Variants in MRTFB observed in about 807,000 individuals in gnomAD.
The protein encoded by MRTFB is myocardin related transcription factor B, also known as myocardin-related transcription factor B.
A neutral mutation model predicts 104.2 loss-of-function variants in MRTFB; 29 were observed. The ratio of observed to expected loss-of-function variants is 0.28; its 90% CI spans 0.21 to 0.38. The LOEUF is 0.38. MRTFB is among the 10% of genes least tolerant of loss of function. The probability of loss-of-function intolerance (pLI) is 1.00; values close to 1 mark genes in which losing one functional copy is unlikely to be tolerated. For missense variants in MRTFB, 1,270 were observed against 1,341.6 expected, an observed-to-expected ratio of 0.95 and a Z score of 0.83; for synonymous variants, 535 against 519.5, an observed-to-expected ratio of 1.03 and a Z score of -0.41.
intron 8 of MRTFB, among the ~76,000 whole-genome samples, chr16:14,231,803 G>A (rs981213218): frequency 2.0e-5 from 3 of 152,172 alleles, no homozygotes; most frequent in African/African-American, 7.2e-5. Flanking sequence ...TCTAAGTGGG[G>A]TTTGGTACGG....
chr16:14,234,140 C>T lies in MRTFB; in HGVS notation c.694-6C>T, dbSNP rs867701270. The T allele has an allele frequency of 2.5e-5, 40 of 1,604,716 alleles. No individual in the cohort carries two copies. The highest frequency in any genetic ancestry group is 3.2e-5 in the Non-Finnish European group (38 of 1,176,542). On this transcript the variant is annotated splice_region_variant and splice_polypyrimidine_tract_variant and intron_variant, in intron 8 of 16. Coordinates refer to ENST00000571589, the MANE Select transcript of MRTFB (RefSeq NM_001308142.2). ...CAGACTTGTTCCTTTTTGCCTTTTC[C>T]ACCAGTTTGCTTCAGTGTCCCCAAC... is the stretch of plus-strand genomic sequence containing the variant.
At chr16:14,068,114 G>A (rs569023772), upstream of MRTFB, among the ~76,000 whole-genome samples, 4 of 152,176 alleles carry the variant, frequency 2.6e-5, no homozygotes, top group African/African-American at 7.2e-5. Flanking sequence ...TTACAGGCAT[G>A]AGCCACCACA....
chr16:14,232,616 G>C (rs1208515909), intron 8 of MRTFB, among the ~76,000 whole-genome samples: 8 of 152,162 alleles, frequency 5.3e-5, no homozygotes, highest in African/African-American at 1.4e-4. Flanking sequence ...GCTGAAATCA[G>C]CAGCTGAAAC....
the MRTFB span, among the ~76,000 whole-genome samples, chr16:14,016,563 G>A: frequency 1.3e-5 from 2 of 151,864 alleles, no homozygotes; most frequent in Non-Finnish European, 2.9e-5. Context: ...ACCTGAGGTC[G>A]GGAGTTCGAG....
At chr16:14,092,622 G>C (rs1468783807) in intron 2 of MRTFB, 1 of 150,820 alleles carries the variant, frequency 6.6e-6, no homozygotes, top group African/African-American at 2.4e-5. Context: ...ATTATGATTA[G>C]ACTTGTGATA....
At chr16:14,248,814 C>T in intron 12 of MRTFB, 112 bp from the exon 13 acceptor site, 11 of 1,144,488 alleles carry the variant, frequency 9.6e-6, no homozygotes, top group Non-Finnish European at 1.4e-5. Context: ...TAACCTTGGT[C>T]TTATTTCATT....
chr16:14,133,887 C>G (rs75846186), intron 2 of MRTFB, among the ~76,000 whole-genome samples: 3,356 of 152,248 alleles, frequency 0.022, 108 homozygotes, highest in African/African-American at 0.077. Flanking sequence ...CACAGTTGTT[C>G]AAACTGAAAA....
At chr16:14,001,730 A>C in the MRTFB span, among the ~76,000 whole-genome samples, 1 of 152,066 alleles carries the variant, frequency 6.6e-6, no homozygotes, top group South Asian at 2.1e-4. Flanking sequence ...TCCGACAACA[A>C]CTCTCATCCA....
intron 10 of MRTFB, among the ~76,000 whole-genome samples, chr16:14,242,508 A>T (rs144923645): frequency 1.2e-4 from 19 of 152,338 alleles, no homozygotes; most frequent in African/African-American, 4.3e-4. Flanking sequence ...TATATTTATC[A>T]AAATTCCATT....
chr16:14,090,440 G>A (rs1362961540), intron 2 of MRTFB, among the ~76,000 whole-genome samples: 6 of 152,178 alleles, frequency 3.9e-5, no homozygotes, highest in Admixed American at 1.3e-4. Flanking sequence ...CATCCCATGA[G>A]CATTTATGTG....
chr16:14,000,299 G>C, the MRTFB span, among the ~76,000 whole-genome samples: 1 of 152,344 alleles, frequency 6.6e-6, no homozygotes, highest in East Asian at 1.9e-4. Context: ...GGGGGAGGAG[G>C]ACGCATAGGT....
In MRTFB at chr16:14,127,867, A is replaced by G. The variant is rs1219039340; in HGVS notation, c.-63-12677A>G. 3.0e-5 allele frequency among the ~76,000 whole-genome samples: 4 copies of G among 132,840 alleles called. 1 individual carries two copies. Among genetic ancestry groups the G allele is most frequent in the African/African-American group, 1.1e-4 (4 of 37,856 alleles). 87.1% of individuals were successfully genotyped at this position (132,840 alleles called of 152,430 possible). A position where few individuals can be genotyped will look rare whatever the true frequency, so the allele number is the denominator to read the frequency against. On this transcript the variant is annotated intron_variant, in intron 2 of 16. Transcript: ENST00000571589. ...CTGGCCAGGTCCAAGTCTCTCCTAT[A>G]TCTTTGTCCAGGGTGTAATTTTAGC...
intron 3 of MRTFB, chr16:14,152,081 A>G (rs964883835): frequency 6.6e-6 from 1 of 152,164 alleles, no homozygotes; most frequent in Non-Finnish European, 1.5e-5. Context: ...GATAAGTACT[A>G]TACAGAAGAT....
At chr16:14,021,137 T>C in the MRTFB span, 4 of 152,232 alleles carry the variant, frequency 2.6e-5, no homozygotes, top group Non-Finnish European at 5.9e-5. Context: ...ATGTCACAGT[T>C]CTGGAGGTCA....
chr16:13,996,549 C>T, the MRTFB span, among the ~76,000 whole-genome samples: 1 of 152,218 alleles, frequency 6.6e-6, no homozygotes, highest in Non-Finnish European at 1.5e-5. Flanking sequence ...GTGTTAGGCA[C>T]AGGACTGGGT....
intron 9 of MRTFB, among the ~76,000 whole-genome samples, chr16:14,235,462 C>T (rs1038535567): frequency 6.6e-6 from 1 of 152,214 alleles, no homozygotes; most frequent in Non-Finnish European, 1.5e-5. Flanking sequence ...GATCCTCAAA[C>T]GGGTTCTCTG....
At chr16:14,023,968 T>C in the MRTFB span, among the ~76,000 whole-genome samples, 1 of 151,920 alleles carries the variant, frequency 6.6e-6, no homozygotes, top group African/African-American at 2.4e-5. Context: ...GGAGAGTCAC[T>C]TGAACCTGGG....
chr16:14,040,644 G>T, the MRTFB span, among the ~76,000 whole-genome samples: 1 of 151,932 alleles, frequency 6.6e-6, no homozygotes, highest in South Asian at 2.1e-4. Context: ...TGTATTTTTA[G>T]TACAGATGGG....
intron 2 of MRTFB, chr16:14,092,971 G>T (rs1374922912): frequency 6.6e-6 from 1 of 152,172 alleles, no homozygotes; most frequent in South Asian, 2.1e-4. Context: ...AAAATAAAAT[G>T]AATTATAGAC....
Sources: allele counts gnomAD v4.1 joint callset (sites outside exome capture counted in the v4.1 genomes callset), GRCh38; gene constraint gnomAD v4.1.1; transcripts MANE v1.5; gene names NCBI Gene and HGNC (gene_info 2026-07-23, HGNC 2026-07-21).